The following SNTB2 variants were observed in gnomAD, a reference collection of about 807,000 sequenced individuals.
The protein encoded by SNTB2 is beta-2-syntrophin.
A neutral mutation model predicts 46.2 loss-of-function variants in SNTB2; 34 were observed. The ratio of observed to expected loss-of-function variants is 0.74; its 90% CI spans 0.56 to 0.98. The LOEUF is 0.98. Ranked by LOEUF, SNTB2 falls within the 50% of genes least tolerant of loss-of-function variation. The probability of loss-of-function intolerance (pLI) is 0.00; values close to 1 mark genes in which losing one functional copy is unlikely to be tolerated. For synonymous variants in SNTB2, 290 were observed against 312.6 expected (o/e 0.93, Z 0.76); for missense variants, 603 against 731.4 (o/e 0.82, Z 2.02).
At chr16:69,242,642 G>A (rs1264180265) in intron 1 of SNTB2, among the ~76,000 whole-genome samples, 1 of 152,136 alleles carries the variant, frequency 6.6e-6, no homozygotes, top group Non-Finnish European at 1.5e-5. Flanking sequence ...TGCAGTACAT[G>A]TATGTGTTTT....
chr16:69,279,993 G>A (rs1346149605), intron 4 of SNTB2, among the ~76,000 whole-genome samples: 3 of 152,162 alleles, frequency 2.0e-5, no homozygotes, highest in Non-Finnish European at 4.4e-5. Flanking sequence ...GTTTTCCTAT[G>A]CAGGGGACCC....
At chr16:69,257,867 A>G (rs550097359) in intron 2 of SNTB2, among the ~76,000 whole-genome samples, 1 of 152,320 alleles carries the variant, frequency 6.6e-6, no homozygotes, top group South Asian at 2.1e-4. Flanking sequence ...TAGCTAGATG[A>G]TCTACTTTTT....
intron 1 of SNTB2, among the ~76,000 whole-genome samples, chr16:69,230,739 GTTTC>G (rs1177967422): frequency 2.0e-5 from 3 of 148,122 alleles, no homozygotes; most frequent in African/African-American, 5.0e-5. Context: ...TAACCAACCC[GTTTC>G]TTTCTTTTTT....
intron 4 of SNTB2, among the ~76,000 whole-genome samples, chr16:69,271,990 C>T (rs539776767): frequency 2.6e-5 from 4 of 152,114 alleles, no homozygotes; most frequent in South Asian, 4.2e-4. Context: ...AAGATACAGA[C>T]AAGATTTAAG....
intron 4 of SNTB2, among the ~76,000 whole-genome samples, chr16:69,280,755 T>C (rs1042324051): frequency 2.6e-5 from 4 of 152,306 alleles, no homozygotes; most frequent in African/African-American, 9.6e-5. Flanking sequence ...GTATCAGATA[T>C]GTGTTTTGCA....
intron 1 of SNTB2, among the ~76,000 whole-genome samples, chr16:69,215,182 C>T (rs1964334754): frequency 6.6e-6 from 1 of 152,156 alleles, no homozygotes. Flanking sequence ...GTAAGGGTTA[C>T]TTACCATCCT....
chr16:69,254,969 T>C (rs995555171), intron 2 of SNTB2, among the ~76,000 whole-genome samples: 1 of 152,204 alleles, frequency 6.6e-6, no homozygotes, highest in African/African-American at 2.4e-5. Context: ...GTAATCTGTG[T>C]CCCTACTGAT....
rs1392536536 is a variant in SNTB2, at chr16:69,307,190, GC to G, written c.*6268del. On this transcript the variant is annotated 3_prime_UTR_variant, in exon 7 of 7. Coordinates refer to ENST00000336278, the MANE Select transcript of SNTB2 (RefSeq NM_006750.4). Reference sequence around the variant, plus strand: ...AATCCGTTATTTCTCAGCACACCATGCCATCTGTTTATCATTCAGCAGTTAA... The same window carrying G: ...AATCCGTTATTTCTCAGCACACCATGCATCTGTTTATCATTCAGCAGTTAA... The G allele has an allele frequency of 6.6e-6, 1 of 152,160 alleles. No homozygotes were observed. The highest frequency in any genetic ancestry group is 1.9e-4 in the East Asian group (1 of 5,202). The allele number at this position is 152,160 out of a possible 1,614,324, so 9.4% of individuals were successfully genotyped here.
intron 5 of SNTB2, among the ~76,000 whole-genome samples, chr16:69,284,767 C>G (rs1266460624): frequency 6.6e-6 from 1 of 152,048 alleles, no homozygotes; most frequent in Non-Finnish European, 1.5e-5. Context: ...GAGTGAGACT[C>G]CGTCTCAAAA....
At chr16:69,209,457 T>C (rs1964257291) in intron 1 of SNTB2, among the ~76,000 whole-genome samples, 3 of 152,222 alleles carry the variant, frequency 2.0e-5, no homozygotes, top group Admixed American at 2.0e-4. Context: ...TCTCTCTGTA[T>C]TATAGAAGTT....
At chr16:69,283,349 A>T (rs1965068752) in intron 4 of SNTB2, among the ~76,000 whole-genome samples, 1 of 152,116 alleles carries the variant, frequency 6.6e-6, no homozygotes, top group Non-Finnish European at 1.5e-5. Flanking sequence ...TTTTGGAATC[A>T]TTTTTTTCAC....
chr16:69,212,952 G>C (rs1287793873), intron 1 of SNTB2, among the ~76,000 whole-genome samples: 1 of 152,134 alleles, frequency 6.6e-6, no homozygotes, highest in Non-Finnish European at 1.5e-5. Flanking sequence ...TTTTTACTTT[G>C]TATATTTTGT....
At chr16:69,248,580 C>G (rs1597186308) in intron 2 of SNTB2, among the ~76,000 whole-genome samples, 1 of 151,976 alleles carries the variant, frequency 6.6e-6, no homozygotes, top group South Asian at 2.1e-4. Flanking sequence ...TGTAGTGAGC[C>G]GAGATTGCGC....
intron 1 of SNTB2, among the ~76,000 whole-genome samples, chr16:69,218,938 G>A (rs956646167): frequency 9.9e-5 from 15 of 152,202 alleles, no homozygotes; most frequent in African/African-American, 3.6e-4. Context: ...GGTTGGGTCT[G>A]TCCTCTTTAT....
intron 1 of SNTB2, among the ~76,000 whole-genome samples, chr16:69,216,689 C>A (rs182135251): frequency 1.3e-5 from 2 of 151,828 alleles, no homozygotes; most frequent in East Asian, 3.9e-4. Flanking sequence ...CCCTGCCCCC[C>A]CCCCAAAAAA....
chr16:69,272,683 G>A (rs910619315), intron 4 of SNTB2, among the ~76,000 whole-genome samples: 13 of 151,924 alleles, frequency 8.6e-5, no homozygotes, highest in African/African-American at 3.1e-4. Flanking sequence ...CCTGAGGTCA[G>A]GAGCTCGAGA....
At chr16:69,201,055 C>T (rs2152289960) in intron 1 of SNTB2, among the ~76,000 whole-genome samples, 1 of 152,288 alleles carries the variant, frequency 6.6e-6, no homozygotes, top group East Asian at 1.9e-4. Flanking sequence ...AATAATTACT[C>T]CTCATCACAC....
chr16:69,265,672 C>T (rs370787684), intron 3 of SNTB2, among the ~76,000 whole-genome samples: 1 of 151,082 alleles, frequency 6.6e-6, no homozygotes, highest in African/African-American at 2.4e-5. Flanking sequence ...ACTAAAAATA[C>T]AAAACTTAGC....
At chr16:69,231,685 T>C (rs554548249) in intron 1 of SNTB2, among the ~76,000 whole-genome samples, 1 of 152,300 alleles carries the variant, frequency 6.6e-6, no homozygotes, top group South Asian at 2.1e-4. Context: ...GAAGTGATTG[T>C]TCAGATGCAG....
Sources: allele counts gnomAD v4.1 joint callset (sites outside exome capture counted in the v4.1 genomes callset), GRCh38; gene constraint gnomAD v4.1.1; transcripts MANE v1.5; gene names NCBI Gene and HGNC (gene_info 2026-07-23, HGNC 2026-07-21).